PPFIA1: variants seen among roughly 807,000 people sequenced by gnomAD.
The protein encoded by PPFIA1 is liprin-alpha-1.
PPFIA1 carries 25 observed loss-of-function variants against 149.9 expected under a neutral mutation model. The ratio of observed to expected loss-of-function variants is 0.17; its 90% CI spans 0.12 to 0.23. The LOEUF is 0.23. Ranked by LOEUF, PPFIA1 falls within the 10% of genes least tolerant of loss-of-function variation. The pLI, the probability that PPFIA1 is intolerant of heterozygous loss-of-function variation, is 1.00. For missense variants in PPFIA1, 1,362 were observed against 1,506.5 expected, an observed-to-expected ratio of 0.90 and a Z score of 1.59; for synonymous variants, 549 against 552.8, an observed-to-expected ratio of 0.99 and a Z score of 0.10.
chr11:70,275,589 C>T (rs911708211), intron 2 of PPFIA1, among the ~76,000 whole-genome samples: 12 of 151,942 alleles, frequency 7.9e-5, no homozygotes, highest in African/African-American at 2.2e-4. Flanking sequence ...TTATGGTATG[C>T]GATGGGGCCA....
At chr11:70,285,934 G>GA (rs1254966654) in intron 2 of PPFIA1, among the ~76,000 whole-genome samples, 2 of 152,094 alleles carry the variant, frequency 1.3e-5, no homozygotes, top group African/African-American at 4.8e-5. Flanking sequence ...AAGAGAAATG[G>GA]AAAAAACCAA....
chr11:70,369,525 A>G (rs1429879723), intron 21 of PPFIA1, among the ~76,000 whole-genome samples: 2 of 146,268 alleles, frequency 1.4e-5, no homozygotes, highest in Non-Finnish European at 3.0e-5. Flanking sequence ...TTCGTGTAGA[A>G]TCGTGGTTAT....
intron 9 of PPFIA1, among the ~76,000 whole-genome samples, chr11:70,332,359 T>C (rs1232546813): frequency 2.0e-5 from 3 of 152,274 alleles, no homozygotes; most frequent in Non-Finnish European, 4.4e-5. Flanking sequence ...CTTCTTAGAA[T>C]TGTTTTGGTC....
At chr11:70,324,629 G>C in intron 3 of PPFIA1, 126 bp downstream of exon 3, 1 of 925,708 alleles carries the variant, frequency 1.1e-6, no homozygotes, top group Non-Finnish European at 1.7e-6. Context: ...TTTTCCCACT[G>C]AGCAGACTGT....
At chr11:70,283,571 T>C (rs1160009375) in intron 2 of PPFIA1, among the ~76,000 whole-genome samples, 1 of 152,076 alleles carries the variant, frequency 6.6e-6, no homozygotes, top group African/African-American at 2.4e-5. Context: ...GTGTGCTGGA[T>C]GGATTGAGGA....
intron 2 of PPFIA1, among the ~76,000 whole-genome samples, chr11:70,287,273 C>G (rs770641665): frequency 3.3e-5 from 5 of 152,176 alleles, no homozygotes; most frequent in Non-Finnish European, 7.3e-5. Context: ...CCTCCCTGCT[C>G]TCCCAGTTGT....
At chr11:70,348,716 C>G (rs1169604520) in intron 16 of PPFIA1, among the ~76,000 whole-genome samples, 1 of 151,670 alleles carries the variant, frequency 6.6e-6, no homozygotes, top group Non-Finnish European at 1.5e-5. Context: ...CCCATCTTTA[C>G]AAAAAGTAGC....
chr11:70,370,630 C>T (rs921373152), intron 21 of PPFIA1, among the ~76,000 whole-genome samples: 25 of 151,960 alleles, frequency 1.6e-4, no homozygotes, highest in African/African-American at 5.3e-4. Flanking sequence ...AAAGGTGATC[C>T]GCCTGCCTCG....
chr11:70,365,830 T>G (rs530434729), intron 21 of PPFIA1: 30 of 409,260 alleles, frequency 7.3e-5, no homozygotes, highest in African/African-American at 6.0e-4. Flanking sequence ...TAGTCTGAAC[T>G]TTTTCACTCA....
rs758954979 is a variant in PPFIA1, at chr11:70,333,535, G to T, written c.1278G>T (p.Lys426Asn). The change falls in exon 10 of 28, where the codon AAG (lysine) becomes AAT (asparagine). Residue 426 changes from lysine (K) to asparagine (N), a missense_variant. Lys to Asn is a moderately conservative substitution (Grantham distance 94, BLOSUM62 0). Transcript: ENST00000253925. ...LRQMEAQLEEKNQELQRARQR... is the reference protein window; with the variant it reads ...LRQMEAQLEENNQELQRARQR... ...AGATGGAAGCACAGTTGGAGGAGAA[G>T]AATCAAGAACTGCAGCGGGTGAGCA... The T allele has an allele frequency of 4.3e-6, 7 of 1,612,478 alleles. No homozygotes were observed. Among genetic ancestry groups the T allele is most frequent in the Non-Finnish European group, 5.9e-6 (7 of 1,179,342 alleles).
chr11:70,378,478 G>A, intron 26 of PPFIA1: 2 of 1,125,924 alleles, frequency 1.8e-6, no homozygotes, highest in Non-Finnish European at 2.2e-6. Flanking sequence ...GAGAGACTGA[G>A]GCATACTTGT....
intron 2 of PPFIA1, among the ~76,000 whole-genome samples, chr11:70,272,867 A>AT (rs1168611292): frequency 1.3e-5 from 2 of 152,248 alleles, no homozygotes; most frequent in African/African-American, 4.8e-5. Context: ...GGAAAAAAAA[A>AT]ATTATTTTGA....
chr11:70,299,318 C>T (rs2052312465), intron 2 of PPFIA1, among the ~76,000 whole-genome samples: 1 of 152,150 alleles, frequency 6.6e-6, no homozygotes. Flanking sequence ...CTTTTTCTTA[C>T]AGGGGTCAGA....
intron 8 of PPFIA1, among the ~76,000 whole-genome samples, chr11:70,330,615 G>A (rs2054597017): frequency 6.6e-6 from 1 of 152,178 alleles, no homozygotes; most frequent in African/African-American, 2.4e-5. Flanking sequence ...CAAGGCAATT[G>A]GCTATTTGTA....
intron 23 of PPFIA1, chr11:70,373,863 A>G (rs1419477584): frequency 6.6e-6 from 1 of 152,240 alleles, no homozygotes. Flanking sequence ...GTCGACATTT[A>G]TACAGTGTGT....
intron 26 of PPFIA1, among the ~76,000 whole-genome samples, 168 bp from the exon 27 acceptor site, chr11:70,381,919 CA>C (rs1371627710): frequency 1.4e-5 from 2 of 143,940 alleles, no homozygotes; most frequent in African/African-American, 5.7e-5. Context: ...CACTGGGTGA[CA>C]CTTGGATCTC....
chr11:70,284,797 G>T (rs565473339), intron 2 of PPFIA1, among the ~76,000 whole-genome samples: 3 of 152,216 alleles, frequency 2.0e-5, no homozygotes, highest in African/African-American at 7.2e-5. Flanking sequence ...CAAAGCTGGG[G>T]TCTGTGGCCA....
chr11:70,307,868 G>C (rs1329259028), intron 2 of PPFIA1, among the ~76,000 whole-genome samples: 1 of 152,198 alleles, frequency 6.6e-6, no homozygotes, highest in Non-Finnish European at 1.5e-5. Flanking sequence ...CAGGGCTCCA[G>C]TGAGCCATGG....
chr11:70,380,489 A>G (rs1161961093), intron 26 of PPFIA1, among the ~76,000 whole-genome samples: 1 of 152,136 alleles, frequency 6.6e-6, no homozygotes, highest in African/African-American at 2.4e-5. Context: ...GGGCAGGAGA[A>G]TGGCATGAAC....
Sources: allele counts gnomAD v4.1 joint callset (sites outside exome capture counted in the v4.1 genomes callset), GRCh38; gene constraint gnomAD v4.1.1; transcripts MANE v1.5; gene names NCBI Gene and HGNC (gene_info 2026-07-23, HGNC 2026-07-21).